Variants in CRIM1 observed in about 807,000 individuals in gnomAD.
The protein encoded by CRIM1 is cysteine-rich motor neuron 1 protein.
CRIM1 carries 32 observed loss-of-function variants against 116.4 expected under a neutral mutation model. That is an observed-to-expected ratio of 0.27 (90% CI 0.21 to 0.37). The LOEUF is 0.37. CRIM1 is among the 10% of genes least tolerant of loss of function. CRIM1 has a pLI of 1.00. For synonymous variants in CRIM1, 590 were observed against 509.2 expected (o/e 1.16, Z -2.13); for missense variants, 1,331 against 1,354.8 (o/e 0.98, Z 0.28).
intron 2 of CRIM1, among the ~76,000 whole-genome samples, chr2:36,432,347 T>G (rs1474584354): frequency 6.6e-6 from 1 of 152,242 alleles, no homozygotes; most frequent in East Asian, 1.9e-4. Flanking sequence ...ATTGTTACAT[T>G]TTGAAATTTG....
chr2:36,545,054 A>G (rs1228615794), intron 15 of CRIM1, among the ~76,000 whole-genome samples: 2 of 152,140 alleles, frequency 1.3e-5, no homozygotes, highest in Admixed American at 6.6e-5. Flanking sequence ...TTGTCTCCCA[A>G]TAGCTGTCAC....
intron 5 of CRIM1, among the ~76,000 whole-genome samples, chr2:36,472,296 G>T (rs1169162451): frequency 2.0e-5 from 3 of 152,090 alleles, no homozygotes; most frequent in Non-Finnish European, 4.4e-5. Context: ...GAAGTAATTG[G>T]TCATTGCTCC....
chr2:36,425,218 C>T (rs1674360576), intron 2 of CRIM1, among the ~76,000 whole-genome samples: 2 of 152,168 alleles, frequency 1.3e-5, no homozygotes, highest in Non-Finnish European at 2.9e-5. Flanking sequence ...AGAATGAATA[C>T]CACTTGGCTT....
intron 5 of CRIM1, among the ~76,000 whole-genome samples, chr2:36,473,577 C>T (rs1276636201): frequency 1.3e-5 from 2 of 152,088 alleles, no homozygotes; most frequent in African/African-American, 2.4e-5. Context: ...TCTCTATGGA[C>T]GTGCCTATGA....
intron 7 of CRIM1, among the ~76,000 whole-genome samples, chr2:36,490,568 C>G (rs1195378657): frequency 6.6e-6 from 1 of 152,146 alleles, no homozygotes; most frequent in East Asian, 1.9e-4. Flanking sequence ...ATCCCCATTG[C>G]TGAGACCCGG....
At chr2:36,432,005 C>T (rs1674933280) in intron 2 of CRIM1, among the ~76,000 whole-genome samples, 1 of 152,152 alleles carries the variant, frequency 6.6e-6, no homozygotes. Flanking sequence ...GTAAACATTA[C>T]TTGGGGAGTT....
At chr2:36,469,967 T>G (rs967686435) in intron 5 of CRIM1, among the ~76,000 whole-genome samples, 1 of 152,180 alleles carries the variant, frequency 6.6e-6, no homozygotes, top group Non-Finnish European at 1.5e-5. Flanking sequence ...CCCTGTGGAA[T>G]AAGCCAATTG....
chr2:36,415,574 TTC>T (rs1328492145), intron 2 of CRIM1, among the ~76,000 whole-genome samples: 3 of 152,222 alleles, frequency 2.0e-5, no homozygotes, highest in Non-Finnish European at 4.4e-5. Context: ...CATAGATTCT[TTC>T]TGTAAGTTTT....
At chr2:36,522,854 A>G (rs1665499107) in intron 13 of CRIM1, among the ~76,000 whole-genome samples, 1 of 151,806 alleles carries the variant, frequency 6.6e-6, no homozygotes, top group Non-Finnish European at 1.5e-5. Context: ...TTCTCTGAGA[A>G]TGTCATACTG....
intron 1 of CRIM1, among the ~76,000 whole-genome samples, chr2:36,391,330 G>A (rs528007032): frequency 2.6e-5 from 4 of 151,138 alleles, no homozygotes; most frequent in East Asian, 2.0e-4. Flanking sequence ...GGGTTTCACC[G>A]TGTTAGCCAG....
At chr2:36,526,930 C>T (rs1052461414) in intron 13 of CRIM1, among the ~76,000 whole-genome samples, 4 of 152,124 alleles carry the variant, frequency 2.6e-5, no homozygotes, top group Admixed American at 1.3e-4. Flanking sequence ...TCAGGACTGA[C>T]GTTGAATAAA....
At chr2:36,419,586 A>G (rs1673898100) in intron 2 of CRIM1, among the ~76,000 whole-genome samples, 1 of 152,188 alleles carries the variant, frequency 6.6e-6, no homozygotes, top group East Asian at 1.9e-4. Flanking sequence ...ACCACATTGA[A>G]GAGACTGAAT....
intron 4 of CRIM1, among the ~76,000 whole-genome samples, chr2:36,451,341 T>G (rs565775900): frequency 6.6e-6 from 1 of 152,206 alleles, no homozygotes; most frequent in South Asian, 2.1e-4. Flanking sequence ...AAAGAATCAA[T>G]TAATAGACAG....
At chr2:36,431,457 C>T (rs186177786) in intron 2 of CRIM1, among the ~76,000 whole-genome samples, 70 of 152,326 alleles carry the variant, frequency 4.6e-4, no homozygotes, top group Non-Finnish European at 5.7e-4. Context: ...CTCAGATCAA[C>T]ACACGATATT....
intron 1 of CRIM1, among the ~76,000 whole-genome samples, chr2:36,363,199 CAAAA>C (rs200110269): frequency 1.1e-4 from 8 of 70,200 alleles, no homozygotes; most frequent in Admixed American, 1.6e-4. Context: ...GACCCTGTCT[CAAAA>C]AAAAAAAAAA....
intron 1 of CRIM1, among the ~76,000 whole-genome samples, chr2:36,377,905 G>A (rs957345652): frequency 1.3e-5 from 2 of 152,270 alleles, no homozygotes; most frequent in African/African-American, 4.8e-5. Context: ...ATAACTGGGT[G>A]CCTATGATTT....
chr2:36,396,685 A>G lies in CRIM1; in HGVS notation c.403A>G (p.Ile135Val), dbSNP rs1489440991. The change falls in exon 2 of 17, where the codon ATA becomes GTA. Residue 135 changes from isoleucine to valine, a missense_variant. This residue lies in a region of CRIM1 where 690 missense variants were observed against 676.0 expected (regional missense o/e 1.02). Transcript: ENST00000280527. ...TGAAAACCTTATTGCTGGCTGCAAT[A>G]TAATCAATGGGAAATGTGAATGTAA... ...CNENLIAGCNIINGKCECNTI... is the reference protein window; with the variant it reads ...CNENLIAGCNVINGKCECNTI... The G allele has an allele frequency of 5.0e-6, 8 of 1,613,616 alleles. No homozygotes were observed. Among genetic ancestry groups the G allele is most frequent in the Non-Finnish European group, 5.9e-6 (7 of 1,179,624 alleles).
chr2:36,396,285 C>A (rs1398709556), intron 1 of CRIM1, among the ~76,000 whole-genome samples: 2 of 152,082 alleles, frequency 1.3e-5, no homozygotes, highest in Non-Finnish European at 2.9e-5. Context: ...CATGAAAAAA[C>A]CCAGGAATCT....
chr2:36,423,562 G>A (rs1256553797), intron 2 of CRIM1, among the ~76,000 whole-genome samples: 5 of 152,226 alleles, frequency 3.3e-5, no homozygotes, highest in Non-Finnish European at 5.9e-5. Flanking sequence ...GGCCTTTTGC[G>A]ATTGTTGTGT....
Sources: gnomAD v4.1 joint callset for allele counts (sites outside exome capture counted in the v4.1 genomes callset) on GRCh38, gnomAD v4.1.1 for gene constraint, gnomAD v4.1.1 regional missense constraint, MANE v1.5 for transcripts, NCBI Gene and HGNC (gene_info 2026-07-23, HGNC 2026-07-21) for gene names.